The following ESPN variants were observed in gnomAD, a reference collection of about 807,000 sequenced individuals.
ESPN encodes autosomal recessive deafness type 36 protein.
In ESPN, 68 loss-of-function variants were observed where a neutral mutation model predicts 77.7. The ratio of observed to expected loss-of-function variants is 0.87; its 90% CI spans 0.72 to 1.07. ESPN has a LOEUF of 1.07. ESPN is among the 50% of genes least tolerant of loss of function. ESPN has a pLI of 0.00. For synonymous variants in ESPN, 449 were observed against 567.1 expected (o/e 0.79, Z 2.96); for missense variants, 1,060 against 1,239.0 (o/e 0.86, Z 2.17).
chr1:6,425,296 A>G, intron 1 of ESPN, 47 bp downstream of exon 1: 1 of 1,549,808 alleles, frequency 6.5e-7, no homozygotes, highest in Non-Finnish European at 8.7e-7. Flanking sequence ...CCTCCTCAGG[A>G]CAGAGTCCTG....
In ESPN at chr1:6,451,873, C is replaced by T. The variant is rs1472807327; in HGVS notation, c.2102C>T (p.Pro701Leu). 6.2e-7 allele frequency: 1 copy of T among 1,611,676 alleles called. No homozygotes were observed. The highest frequency in any genetic ancestry group is 8.5e-7 in the Non-Finnish European group (1 of 1,179,272). Residue 701 changes from proline to leucine, a missense_variant, in exon 10 of 13, where the codon CCA (proline) becomes CTA (leucine). This residue lies in a region of ESPN where 374 missense variants were observed against 381.4 expected (regional missense o/e 0.98). Transcript: ENST00000645284. The surrounding 1 kb of genome is among the most constrained non-coding windows in gnomAD (Gnocchi z 4.3). Reference sequence around the variant, plus strand: ...CCTTCTGTGTCACCTGCACTGTCACCAGTCCGGAGCCCCACACCGCCAGCT... The same window carrying T: ...CCTTCTGTGTCACCTGCACTGTCACTAGTCCGGAGCCCCACACCGCCAGCT... ...PLPSVSPALS[P>L]VRSPTPPAAG...
In ESPN at chr1:6,452,761, C is replaced by T. The variant is rs1487742767; in HGVS notation, c.2325+665C>T. ...GACCTGGGCTCCATTGCTGTGCTGC[C>T]GCCTTCCAGCTGCCGATACTGAGCC... On this transcript the variant is annotated intron_variant, in intron 10 of 12. Coordinates refer to ENST00000645284, the MANE Select transcript of ESPN (RefSeq NM_031475.3). Among the ~76,000 whole-genome samples the T allele has an allele frequency of 4.6e-5, 7 of 152,230 alleles. 1 individual carries two copies. In the East Asian group the frequency reaches 1.2e-3, roughly 25 times the overall value.
Position 6,451,430 on chromosome 1 carries a change from TGG to T in ESPN, c.1916-169_1916-168del. 1 of 860,204 alleles carries T rather than the reference TGG, an allele frequency of 1.2e-6. No individual in the cohort carries two copies. Among genetic ancestry groups the T allele is most frequent in the Non-Finnish European group, 1.9e-6 (1 of 538,626 alleles). The allele number at this position is 860,204 out of a possible 1,614,324, so 53.3% of individuals were successfully genotyped here. A position where few individuals can be genotyped will look rare whatever the true frequency, so the allele number is the denominator to read the frequency against. ...AGTCAGGGAACCAAGGGCCCGCCTC[TGG>T]GGGCCCTGAAACCTGCCTGCAGGAC... On this transcript the variant is annotated intron_variant, in intron 8 of 12. Coordinates refer to ENST00000645284, the MANE Select transcript of ESPN (RefSeq NM_031475.3). This position sits in a 1 kb window ranked among gnomAD's most constrained non-coding sequence, Gnocchi z 4.3.
intron 5 of ESPN, among the ~76,000 whole-genome samples, chr1:6,443,528 G>A (rs968821516): frequency 5.3e-5 from 8 of 152,242 alleles, no homozygotes; most frequent in South Asian, 2.1e-4. Context: ...TGATTCCTGC[G>A]GTAGGCAGCA....
chr1:6,458,824 G>T (rs537311793), intron 12 of ESPN, among the ~76,000 whole-genome samples: 1 of 149,506 alleles, frequency 6.7e-6, no homozygotes, highest in Non-Finnish European at 1.5e-5. Context: ...CCAGCTACTC[G>T]GGAGGCTGAG....
chr1:6,459,087 A>G (rs1256797057), intron 12 of ESPN, among the ~76,000 whole-genome samples: 2 of 151,960 alleles, frequency 1.3e-5, no homozygotes, highest in Non-Finnish European at 2.9e-5. Flanking sequence ...CTAAAAATAC[A>G]AAAATTAGCT....
rs758588407 is a variant in ESPN, at chr1:6,444,517, G to A, written c.1027G>A (p.Ala343Thr). The A allele has an allele frequency of 8.1e-6, 13 of 1,614,064 alleles. No homozygotes were observed. Among genetic ancestry groups the A allele is most frequent in the African/African-American group, 6.7e-5 (5 of 74,924 alleles). ...CCGCGTGCTTTCCCGGGATCCATCC[G>A]CAGAGCTGGAGGCTAAGCAGCCGGA... ...EHRVLSRDPSAELEAKQPDSG... is the reference protein window; with the variant it reads ...EHRVLSRDPSTELEAKQPDSG... The change falls in exon 6 of 13, where the codon GCA becomes ACA. Residue 343 changes from alanine to threonine, a missense_variant. By Grantham distance (58) the Ala-to-Thr change is moderately conservative (BLOSUM62 0). Transcript: ENST00000645284.
chr1:6,456,488 G>A (rs1644060204), intron 10 of ESPN: 2 of 248,268 alleles, frequency 8.1e-6, no homozygotes, highest in Non-Finnish European at 1.5e-5. Context: ...AAGCCCCTCT[G>A]AGTGAGGGGC....
chr1:6,440,430 T>A lies in ESPN; in HGVS notation c.665T>A (p.Ile222Asn). The A allele has an allele frequency of 6.4e-7, 1 of 1,564,356 alleles. No individual in the cohort carries two copies. Among genetic ancestry groups the A allele is most frequent in the Non-Finnish European group, 8.6e-7 (1 of 1,158,788 alleles). ...GCGCAGATGGGCCACAGCCCAGTCA[T>A]CGTGTGGTTGGTGAGCTCCGGGCCC... The part of the protein sequence containing the change: ...AAAQMGHSPV[I>N]VWLVSCTDVS... Residue 222 changes from isoleucine (I) to asparagine (N), a missense_variant, in exon 3 of 13, where the codon ATC becomes AAC. Coordinates refer to ENST00000645284, the MANE Select transcript of ESPN (RefSeq NM_031475.3).
intron 7 of ESPN, among the ~76,000 whole-genome samples, chr1:6,446,290 C>T (rs1246224141): frequency 6.6e-6 from 1 of 152,138 alleles, no homozygotes; most frequent in African/African-American, 2.4e-5. Context: ...CAAGCATGCC[C>T]CCCCACCCCC....
Position 6,456,048 on chromosome 1 carries a change from TCA to T in ESPN, c.2326-1135_2326-1134del, listed in dbSNP as rs1644052106. On this transcript the variant is annotated intron_variant, in intron 10 of 12. Transcript: ENST00000645284. ...CCCGCCCGCCGCGCCTCCCCCGACC[TCA>T]GACTCTCCTGGTTCCGAAGCCCCCG... 7 of 347,838 alleles carry T rather than the reference TCA, an allele frequency of 2.0e-5. No individual in the cohort carries two copies. In the Admixed American group the frequency reaches 3.3e-4, roughly 17 times the overall value. The allele number at this position is 347,838 out of a possible 1,614,324, so 21.5% of individuals were successfully genotyped here.
intron 10 of ESPN, among the ~76,000 whole-genome samples, chr1:6,452,734 G>C (rs1276967438): frequency 6.6e-6 from 1 of 152,172 alleles, no homozygotes; most frequent in African/African-American, 2.4e-5. Flanking sequence ...CTCAGTCTTA[G>C]GGACCTGGGC....
At chr1:6,433,319 C>T (rs532278783) in intron 2 of ESPN, among the ~76,000 whole-genome samples, 1 of 152,012 alleles carries the variant, frequency 6.6e-6, no homozygotes, top group East Asian at 1.9e-4. Context: ...TGGTGGGTGT[C>T]TGTAATCCCA....
rs368890910 is a variant in ESPN at position 6,440,283 on chromosome 1, C to T, written c.518C>T (p.Ala173Val). The T allele has an allele frequency of 9.7e-5, 151 of 1,551,306 alleles. No homozygotes were observed. Among genetic ancestry groups the T allele is most frequent in the Middle Eastern group, 3.7e-4 (2 of 5,356 alleles). ...EGVNAQTKNG[A>V]TPLYLACQEG... ...GTGAATGCCCAAACCAAGAACGGTG[C>T]CACGCCCCTGTACCTGGCGTGCCAG... is the stretch of plus-strand genomic sequence containing the variant. Residue 173 changes from alanine to valine, a missense_variant, in exon 3 of 13, where the codon GCC becomes GTC. Ala to Val is a moderately conservative substitution (Grantham distance 64, BLOSUM62 0). This residue lies in a region of ESPN where 556 missense variants were observed against 633.6 expected (regional missense o/e 0.88). Transcript: ENST00000645284.
chr1:6,429,769 G>C (rs1324286813), intron 2 of ESPN: 1 of 152,486 alleles, frequency 6.6e-6, no homozygotes, highest in African/African-American at 2.4e-5. Flanking sequence ...GCTGTGGAAC[G>C]CCCTCCAGGG....
In ESPN at chr1:6,433,398, C is replaced by T. The variant is rs558979099; in HGVS notation, c.488+4979C>T. 3.3e-5 allele frequency among the ~76,000 whole-genome samples: 5 copies of T among 152,012 alleles called. No homozygotes were observed. The South Asian group carries it at 1.0e-3, about 32-fold the overall frequency. On this transcript the variant is annotated intron_variant, in intron 2 of 12. Transcript: ENST00000645284. ...GGCGGAGGTTGCAGTGAACTAAGAT[C>T]GTGCTGCTGCACTCCAGCCTGGGCG...
At chr1:6,432,384 G>A (rs921059141) in intron 2 of ESPN, among the ~76,000 whole-genome samples, 6 of 152,210 alleles carry the variant, frequency 3.9e-5, no homozygotes, top group Admixed American at 2.6e-4. Flanking sequence ...GCAGCAGGGC[G>A]TGGGGGCAGG....
Position 6,460,149 on chromosome 1 carries a change from G to C in ESPN, c.*3G>C. 3 of 1,610,120 alleles carry C rather than the reference G, an allele frequency of 1.9e-6. No homozygotes were observed. The highest frequency in any genetic ancestry group is 1.7e-6 in the Non-Finnish European group (2 of 1,178,612). Reference sequence around the variant, plus strand: ...AGGGGGACATCGCTAAGTACTAGAGGCCGCAGACTCCTGTCCGCAGCCTCG... The same window carrying C: ...AGGGGGACATCGCTAAGTACTAGAGCCCGCAGACTCCTGTCCGCAGCCTCG... On this transcript the variant is annotated 3_prime_UTR_variant, in exon 13 of 13. Transcript: ENST00000645284.
At chr1:6,442,666 G>A (rs1428882825) in intron 5 of ESPN, among the ~76,000 whole-genome samples, 2 of 151,186 alleles carry the variant, frequency 1.3e-5, no homozygotes, top group Non-Finnish European at 1.5e-5. Context: ...TCAAGAGATC[G>A]AGACCATTCT....
Sources: gnomAD v4.1 joint callset for allele counts (sites outside exome capture counted in the v4.1 genomes callset) on GRCh38, gnomAD v4.1.1 for gene constraint, gnomAD v4.1.1 regional missense constraint, Gnocchi (gnomAD v3.1) non-coding constraint, MANE v1.5 for transcripts, NCBI Gene and HGNC (gene_info 2026-07-23, HGNC 2026-07-21) for gene names.